GRIK2: variants seen among roughly 807,000 people sequenced by gnomAD.
GRIK2 encodes glutamate ionotropic receptor kainate type subunit 2, also known as glutamate receptor ionotropic, kainate 2.
A neutral mutation model predicts 100.3 loss-of-function variants in GRIK2; 32 were observed. The ratio of observed to expected loss-of-function variants is 0.32; its 90% CI spans 0.24 to 0.43. The LOEUF is 0.43. Among genes scored for constraint, GRIK2 ranks in the 20% least tolerant of loss-of-function variants. GRIK2 has a pLI of 1.00. For missense variants in GRIK2, 843 were observed against 1,114.9 expected, an observed-to-expected ratio of 0.76 and a Z score of 3.47; for synonymous variants, 417 against 389.4, an observed-to-expected ratio of 1.07 and a Z score of -0.83.
At chr6:101,539,355 C>G (rs971559999) in intron 2 of GRIK2, among the ~76,000 whole-genome samples, 10 of 151,630 alleles carry the variant, frequency 6.6e-5, no homozygotes, top group African/African-American at 2.4e-4. Context: ...AATCTAAACT[C>G]CAAATTCCAA....
intron 14 of GRIK2, among the ~76,000 whole-genome samples, chr6:102,029,970 C>T (rs1026734044): frequency 2.6e-5 from 4 of 151,142 alleles, no homozygotes; most frequent in African/African-American, 9.7e-5. Context: ...ATTAACATAT[C>T]CATTATCCTG....
chr6:101,424,424 G>GT (rs534388177), intron 2 of GRIK2, among the ~76,000 whole-genome samples: 3,031 of 151,078 alleles, frequency 0.02, 111 homozygotes, highest in African/African-American at 0.07. Flanking sequence ...GTGGTGTTTG[G>GT]TTTTTTGTCC....
At chr6:101,992,990 A>T (rs1228728360) in intron 14 of GRIK2, among the ~76,000 whole-genome samples, 2 of 151,558 alleles carry the variant, frequency 1.3e-5, no homozygotes, top group East Asian at 3.9e-4. Flanking sequence ...TGTCTTTATA[A>T]GATACTTTCC....
At chr6:101,760,656 G>A (rs183811048) in intron 7 of GRIK2, among the ~76,000 whole-genome samples, 1,058 of 64,028 alleles carry the variant, frequency 0.017, 177 homozygotes, top group African/African-American at 0.076. Flanking sequence ...ATAATTATAT[G>A]TTTAATTATA....
intron 2 of GRIK2, among the ~76,000 whole-genome samples, chr6:101,470,968 G>A (rs1208521839): frequency 6.6e-6 from 1 of 152,100 alleles, no homozygotes; most frequent in African/African-American, 2.4e-5. Context: ...CAAGTATTAA[G>A]TTGAATATAA....
chr6:101,441,342 T>A (rs183435515), intron 2 of GRIK2, among the ~76,000 whole-genome samples: 1 of 152,322 alleles, frequency 6.6e-6, no homozygotes, highest in African/African-American at 2.4e-5. Context: ...AATAAAATTT[T>A]GTTCTGATAC....
chr6:101,993,634 T>A (rs975472939), intron 14 of GRIK2: 3 of 150,642 alleles, frequency 2.0e-5, no homozygotes, highest in African/African-American at 7.3e-5. Context: ...AATGCCATAG[T>A]TCTATGAGGA....
At chr6:102,018,551 CAATT>C (rs1269643472) in intron 14 of GRIK2, among the ~76,000 whole-genome samples, 3 of 152,074 alleles carry the variant, frequency 2.0e-5, no homozygotes, top group African/African-American at 2.4e-5. Flanking sequence ...AGCAATTCAT[CAATT>C]AATTATCAGC....
chr6:101,441,282 T>G (rs1770036103), intron 2 of GRIK2, among the ~76,000 whole-genome samples: 1 of 152,154 alleles, frequency 6.6e-6, no homozygotes, highest in Non-Finnish European at 1.5e-5. Context: ...TTCTTGCTTT[T>G]GAGGGAATAG....
At chr6:101,993,016 T>C (rs1794454629) in intron 14 of GRIK2, among the ~76,000 whole-genome samples, 1 of 151,504 alleles carries the variant, frequency 6.6e-6, no homozygotes, top group Non-Finnish European at 1.5e-5. Context: ...TAAATATAGG[T>C]GATTTGAATA....
intron 2 of GRIK2, among the ~76,000 whole-genome samples, chr6:101,519,985 C>T (rs1447982066): frequency 6.6e-6 from 1 of 152,076 alleles, no homozygotes; most frequent in African/African-American, 2.4e-5. Context: ...TATCCACTCT[C>T]CACAGAAGGA....
At chr6:101,898,558 C>T (rs1787631292) in intron 12 of GRIK2, among the ~76,000 whole-genome samples, 1 of 151,764 alleles carries the variant, frequency 6.6e-6, no homozygotes, top group South Asian at 2.1e-4. Flanking sequence ...GAAAACTTTC[C>T]AATCAACTGG....
chr6:101,422,598 A>C (rs1776462882), intron 2 of GRIK2, among the ~76,000 whole-genome samples: 1 of 151,968 alleles, frequency 6.6e-6, no homozygotes, highest in Non-Finnish European at 1.5e-5. Flanking sequence ...TTAAAATTTC[A>C]TTGAGAATAT....
At chr6:101,963,330 C>CG (rs1792432012) in intron 14 of GRIK2, among the ~76,000 whole-genome samples, 4 of 77,092 alleles carry the variant, frequency 5.2e-5, no homozygotes, top group African/African-American at 1.4e-4. Flanking sequence ...TGGAGTCTAG[C>CG]TCTGTCGCCC....
chr6:101,397,410 C>A (rs905380398), intron 1 of GRIK2, among the ~76,000 whole-genome samples: 1 of 151,882 alleles, frequency 6.6e-6, no homozygotes, highest in Non-Finnish European at 1.5e-5. Flanking sequence ...CGCTAGATAC[C>A]CTTGGTTTTA....
intron 2 of GRIK2, among the ~76,000 whole-genome samples, chr6:101,510,992 A>T (rs910254204): frequency 6.6e-6 from 1 of 152,156 alleles, no homozygotes; most frequent in African/African-American, 2.4e-5. Context: ...GCATGGGGAG[A>T]CTTTATCAAA....
chr6:101,647,300 G>A (rs1453365426), intron 4 of GRIK2, among the ~76,000 whole-genome samples: 5 of 151,730 alleles, frequency 3.3e-5, no homozygotes, highest in Non-Finnish European at 7.4e-5. Context: ...CAAGAGGCTA[G>A]GGTCCACAGC....
chr6:101,549,453 C>A (rs1399718150), intron 2 of GRIK2, among the ~76,000 whole-genome samples: 1 of 151,806 alleles, frequency 6.6e-6, no homozygotes, highest in African/African-American at 2.4e-5. Context: ...TCTTTTAGTT[C>A]AATCCTGGCT....
At chr6:101,829,436 G>A (rs1782537565) in intron 10 of GRIK2, among the ~76,000 whole-genome samples, 1 of 151,882 alleles carries the variant, frequency 6.6e-6, no homozygotes, top group South Asian at 2.1e-4. Flanking sequence ...ATCCAAATAG[G>A]AAAAGAGGAA....
Sources: gnomAD v4.1 joint callset for allele counts (sites outside exome capture counted in the v4.1 genomes callset) on GRCh38, gnomAD v4.1.1 for gene constraint, MANE v1.5 for transcripts, NCBI Gene and HGNC (gene_info 2026-07-23, HGNC 2026-07-21) for gene names.